Variants in PDSS2 observed in about 807,000 individuals in gnomAD.
PDSS2 encodes decaprenyl diphosphate synthase subunit 2.
A neutral mutation model predicts 44.5 loss-of-function variants in PDSS2; 31 were observed. That is an observed-to-expected ratio of 0.70 (90% CI 0.52 to 0.94). PDSS2 has a LOEUF of 0.94. PDSS2 is among the 40% of genes least tolerant of loss of function. The probability of loss-of-function intolerance (pLI) is 0.00; values close to 1 mark genes in which losing one functional copy is unlikely to be tolerated. For synonymous variants in PDSS2, 157 were observed against 180.3 expected, an observed-to-expected ratio of 0.87 and a Z score of 1.03; for missense variants, 452 against 482.2, an observed-to-expected ratio of 0.94 and a Z score of 0.59.
intron 3 of PDSS2, among the ~76,000 whole-genome samples, chr6:107,247,018 AT>A (rs572852419): frequency 7.2e-5 from 11 of 152,174 alleles, no homozygotes; most frequent in East Asian, 1.9e-4. Context: ...AAATGAATGG[AT>A]TTTTTTCCCC....
intron 6 of PDSS2, among the ~76,000 whole-genome samples, chr6:107,208,285 CTTTTTTTTTTTTTTTTT>C (rs1164014672): frequency 1.9e-5 from 1 of 53,280 alleles, no homozygotes; most frequent in Non-Finnish European, 3.0e-5. Flanking sequence ...CATGCCTGGC[CTTTTTTTTTTTTTTTTT>C]TTTTTTTTTT....
chr6:107,458,351 T>C (rs13213696), intron 1 of PDSS2, among the ~76,000 whole-genome samples: 8,049 of 137,768 alleles, frequency 0.058, 401 homozygotes, highest in South Asian at 0.17. Flanking sequence ...TAGCCGGACG[T>C]GGTGGCGGGC....
At chr6:107,301,290 T>C (rs1440407289) in intron 2 of PDSS2, among the ~76,000 whole-genome samples, 1 of 152,206 alleles carries the variant, frequency 6.6e-6, no homozygotes, top group East Asian at 1.9e-4. Flanking sequence ...ATTGTGAAAT[T>C]AAGAATTGCC....
intron 1 of PDSS2, among the ~76,000 whole-genome samples, chr6:107,387,417 A>G (rs911645763): frequency 2.6e-5 from 4 of 152,194 alleles, no homozygotes; most frequent in African/African-American, 7.2e-5. Context: ...TTCCTCAGCA[A>G]ACCTTTAACT....
intron 7 of PDSS2, among the ~76,000 whole-genome samples, chr6:107,164,055 G>T (rs1771246523): frequency 1.3e-5 from 2 of 152,144 alleles, no homozygotes; most frequent in African/African-American, 4.8e-5. Context: ...TGAAAAAAAG[G>T]GTTCTTAGGT....
At chr6:107,439,793 G>A (rs1781461946) in intron 1 of PDSS2, among the ~76,000 whole-genome samples, 1 of 152,172 alleles carries the variant, frequency 6.6e-6, no homozygotes, top group Non-Finnish European at 1.5e-5. Context: ...CAGGACTGGG[G>A]AGGAGCATAT....
At chr6:107,200,635 A>G (rs917816436) in intron 6 of PDSS2, among the ~76,000 whole-genome samples, 4 of 152,120 alleles carry the variant, frequency 2.6e-5, no homozygotes, top group Admixed American at 1.3e-4. Flanking sequence ...GACACCTGCC[A>G]CTTATCATGT....
chr6:107,404,077 A>G (rs1009564237), intron 1 of PDSS2, among the ~76,000 whole-genome samples: 21 of 152,166 alleles, frequency 1.4e-4, no homozygotes, highest in African/African-American at 5.1e-4. Context: ...AATTTCTTCC[A>G]CCAGATACCC....
chr6:107,295,506 G>A (rs547871672), intron 2 of PDSS2, among the ~76,000 whole-genome samples: 8 of 152,254 alleles, frequency 5.3e-5, no homozygotes, highest in Middle Eastern at 3.4e-3. Flanking sequence ...TGTCCCCCGC[G>A]TTGGCTAAGT....
At chr6:107,162,115 C>T (rs1329629937) in intron 7 of PDSS2, among the ~76,000 whole-genome samples, 4 of 152,142 alleles carry the variant, frequency 2.6e-5, no homozygotes, top group African/African-American at 7.2e-5. Flanking sequence ...ATGCTTCACC[C>T]TTGTTTTGAC....
intron 7 of PDSS2, among the ~76,000 whole-genome samples, chr6:107,157,761 C>T (rs192101103): frequency 2.6e-5 from 4 of 152,124 alleles, no homozygotes; most frequent in African/African-American, 9.6e-5. Flanking sequence ...ACCTCTGCCT[C>T]CCAGGTTCAG....
intron 6 of PDSS2, 152 bp downstream of exon 6, chr6:107,210,287 C>T: frequency 1.5e-6 from 1 of 667,040 alleles, no homozygotes; most frequent in East Asian, 2.6e-5. Flanking sequence ...TCTTTTACCT[C>T]TTAAAAACGA....
chr6:107,274,056 A>G lies in PDSS2; in HGVS notation c.603T>C (p.Asn201=). 1 of 1,614,150 alleles carries G rather than the reference A, an allele frequency of 6.2e-7. No individual in the cohort carries two copies. The highest frequency in any genetic ancestry group is 8.5e-7 in the Non-Finnish European group (1 of 1,179,990). The change falls in exon 3 of 8, where the codon AAT becomes AAC. Residue 201 remains asparagine, a synonymous_variant. Transcript: ENST00000369037. ...TGGTGTTCTGTAGCAGAGCTAGTCCATTGCAGGCATTTGCTAGAAGAAAGT... is the reference window on the plus strand; with the variant it reads ...TGGTGTTCTGTAGCAGAGCTAGTCCGTTGCAGGCATTTGCTAGAAGAAAGT... ...SGDFLLANAC[N]GLALLQNTKV... is the part of the protein sequence containing the mutation.
chr6:107,306,209 C>A (rs1776854092), intron 2 of PDSS2, among the ~76,000 whole-genome samples: 1 of 152,164 alleles, frequency 6.6e-6, no homozygotes, highest in Non-Finnish European at 1.5e-5. Context: ...TGTCCCCACC[C>A]AAATTCATCT....
chr6:107,371,648 C>T (rs7750226), intron 1 of PDSS2, among the ~76,000 whole-genome samples: 1 of 151,960 alleles, frequency 6.6e-6, no homozygotes, highest in Non-Finnish European at 1.5e-5. Context: ...ACAACTATAA[C>T]ATTAGTAAGA....
At chr6:107,155,131 G>A (rs1214812804) in intron 7 of PDSS2, among the ~76,000 whole-genome samples, 1 of 146,038 alleles carries the variant, frequency 6.8e-6, no homozygotes, top group Non-Finnish European at 1.5e-5. Flanking sequence ...TCAGCAGCCT[G>A]ATATTCTTCC....
At chr6:107,401,647 A>T (rs545931620) in intron 1 of PDSS2, among the ~76,000 whole-genome samples, 1 of 152,346 alleles carries the variant, frequency 6.6e-6, no homozygotes, top group Non-Finnish European at 1.5e-5. Flanking sequence ...ATAAAAGAGA[A>T]ATCTGAAAAC....
intron 4 of PDSS2, among the ~76,000 whole-genome samples, chr6:107,242,914 A>T (rs1774492062): frequency 1.3e-5 from 2 of 152,298 alleles, no homozygotes; most frequent in South Asian, 4.1e-4. Context: ...GGCTATGAGG[A>T]GGTGGCAGGG....
chr6:107,167,943 T>C (rs1286631732), intron 7 of PDSS2, among the ~76,000 whole-genome samples: 1 of 152,168 alleles, frequency 6.6e-6, no homozygotes, highest in Non-Finnish European at 1.5e-5. Flanking sequence ...CTGAAAAGAA[T>C]GTATATTCTG....
Sources: gnomAD v4.1 joint callset for allele counts (sites outside exome capture counted in the v4.1 genomes callset) on GRCh38, gnomAD v4.1.1 for gene constraint, MANE v1.5 for transcripts, NCBI Gene and HGNC (gene_info 2026-07-23, HGNC 2026-07-21) for gene names.